Variants in PRICKLE2 observed in about 807,000 individuals in gnomAD.
The protein encoded by PRICKLE2 is prickle-like protein 2.
PRICKLE2 carries 21 observed loss-of-function variants against 81.4 expected under a neutral mutation model. The observed-to-expected ratio is 0.26, with a 90% CI of 0.18 to 0.37. The LOEUF (loss-of-function observed/expected upper bound fraction) is 0.37. Ranked by LOEUF, PRICKLE2 falls within the 10% of genes least tolerant of loss-of-function variation. PRICKLE2 has a pLI of 1.00. For synonymous variants in PRICKLE2, 456 were observed against 421.5 expected (o/e 1.08, Z -1.00); for missense variants, 940 against 1,109.0 (o/e 0.85, Z 2.16).
At chr3:64,253,963 C>G (rs1017216418) in intron 2 of PRICKLE2, among the ~76,000 whole-genome samples, 1 of 152,156 alleles carries the variant, frequency 6.6e-6, no homozygotes, top group African/African-American at 2.4e-5. Flanking sequence ...ACAAAGTCTC[C>G]TCGTGAGATG....
chr3:64,110,854 C>A (rs559052682), intron 7 of PRICKLE2, among the ~76,000 whole-genome samples: 1 of 145,796 alleles, frequency 6.9e-6, no homozygotes, highest in Non-Finnish European at 1.5e-5. Context: ...TTAAAAGTGT[C>A]GGGAGGCTGA....
chr3:64,122,596 C>G (rs1451079610), intron 7 of PRICKLE2, among the ~76,000 whole-genome samples: 1 of 152,102 alleles, frequency 6.6e-6, no homozygotes, highest in Non-Finnish European at 1.5e-5. Context: ...TGTGGGTGAC[C>G]CTAGAATTCA....
At chr3:64,149,628 A>G (rs1190031336) in intron 6 of PRICKLE2, among the ~76,000 whole-genome samples, 1 of 152,206 alleles carries the variant, frequency 6.6e-6, no homozygotes, top group Non-Finnish European at 1.5e-5. Context: ...AGAGTTCCTG[A>G]GCCTGGACTT....
At chr3:64,249,973 G>A (rs572856916) in intron 2 of PRICKLE2, among the ~76,000 whole-genome samples, 3 of 152,160 alleles carry the variant, frequency 2.0e-5, no homozygotes, top group South Asian at 2.1e-4. Context: ...GCTTAATGAC[G>A]TGCTCAAGGC....
At chr3:64,258,622 C>T (rs1575723733) in intron 2 of PRICKLE2, among the ~76,000 whole-genome samples, 1 of 151,336 alleles carries the variant, frequency 6.6e-6, no homozygotes, top group Non-Finnish European at 1.5e-5. Context: ...AGATCGAGAC[C>T]ATACTGGCTA....
chr3:64,205,629 G>A (rs74356954), intron 1 of PRICKLE2, among the ~76,000 whole-genome samples: 3,337 of 152,278 alleles, frequency 0.022, 47 homozygotes, highest in Non-Finnish European at 0.032. Flanking sequence ...TCTTCCTTTA[G>A]AACATGATTT....
chr3:64,166,198 TC>T (rs1407063114), intron 2 of PRICKLE2, among the ~76,000 whole-genome samples: 1 of 152,124 alleles, frequency 6.6e-6, no homozygotes, highest in Non-Finnish European at 1.5e-5. Context: ...GGTTAAGGTT[TC>T]CCACAGCACT....
chr3:64,112,080 C>T (rs1370107563), intron 7 of PRICKLE2, among the ~76,000 whole-genome samples: 3 of 152,140 alleles, frequency 2.0e-5, no homozygotes, highest in Admixed American at 6.5e-5. Context: ...CACCTGGTGG[C>T]CAACACACTA....
intron 2 of PRICKLE2, among the ~76,000 whole-genome samples, chr3:64,265,969 T>C (rs2079699787): frequency 6.6e-6 from 1 of 152,156 alleles, no homozygotes; most frequent in Non-Finnish European, 1.5e-5. Context: ...TTCAGTTTCT[T>C]AAATGGAAGT....
Position 64,258,768 on chromosome 3 carries a change from G to A in PRICKLE2, c.129-59801C>T, listed in dbSNP as rs1193096214. On this transcript the variant is annotated intron_variant, in intron 2 of 8. Coordinates refer to the PRICKLE2 transcript ENST00000295902. ...GAACCCGGGAGGCAGAGCTTGCAGT[G>A]AGCCGAGATCATGCCACTGCACTCT... Among the ~76,000 whole-genome samples the A allele has an allele frequency of 3.5e-5, 5 of 141,536 alleles. 1 individual carries two copies. The highest frequency in any genetic ancestry group is 1.3e-4 in the African/African-American group (5 of 38,010). The allele number at this position is 141,536 out of a possible 152,430, so 92.9% of individuals were successfully genotyped here.
At chr3:64,180,696 C>T (rs1405039356) in intron 2 of PRICKLE2, among the ~76,000 whole-genome samples, 1 of 152,118 alleles carries the variant, frequency 6.6e-6, no homozygotes, top group African/African-American at 2.4e-5. Flanking sequence ...CCACATCCGG[C>T]TAATTTTTGT....
intron 1 of PRICKLE2, among the ~76,000 whole-genome samples, chr3:64,209,931 G>A (rs1337180700): frequency 6.6e-6 from 1 of 152,222 alleles, no homozygotes; most frequent in Non-Finnish European, 1.5e-5. Flanking sequence ...AGGCAGATAT[G>A]AGAAAAATCA....
chr3:64,175,569 G>A (rs546231166), intron 2 of PRICKLE2, among the ~76,000 whole-genome samples: 16 of 152,236 alleles, frequency 1.1e-4, no homozygotes, highest in Admixed American at 9.8e-4. Flanking sequence ...ATTGTTTTAA[G>A]TTAACAAAGA....
At chr3:64,263,765 G>C (rs1198288677) in intron 2 of PRICKLE2, among the ~76,000 whole-genome samples, 1 of 152,102 alleles carries the variant, frequency 6.6e-6, no homozygotes, top group Non-Finnish European at 1.5e-5. Context: ...AAAGCTGCAG[G>C]AATTAAAAGC....
intron 2 of PRICKLE2, among the ~76,000 whole-genome samples, chr3:64,231,624 T>G (rs967749482): frequency 6.6e-6 from 1 of 152,150 alleles, no homozygotes. Flanking sequence ...CCTCATAAAG[T>G]AGCAAACTGG....
chr3:64,134,665 AC>A (rs1443251846), intron 7 of PRICKLE2, among the ~76,000 whole-genome samples: 1 of 147,542 alleles, frequency 6.8e-6, no homozygotes, highest in African/African-American at 2.4e-5. Flanking sequence ...CCTAGTAACT[AC>A]CCCCACCCAT....
intron 7 of PRICKLE2, among the ~76,000 whole-genome samples, chr3:64,137,700 C>T (rs2077298527): frequency 6.6e-6 from 1 of 152,176 alleles, no homozygotes; most frequent in Admixed American, 6.5e-5. Context: ...TTGTCCTCGG[C>T]TTCCCACATG....
chr3:64,173,702 G>C (rs941643596), intron 2 of PRICKLE2, among the ~76,000 whole-genome samples: 1 of 152,164 alleles, frequency 6.6e-6, no homozygotes, highest in Non-Finnish European at 1.5e-5. Flanking sequence ...AGAGCACTTT[G>C]AAGAGTACGA....
In PRICKLE2 at chr3:64,147,520, A is replaced by T; in HGVS notation, c.970T>A (p.Ser324Thr). ...EDPNGSDSSD[S>T]AFQNARAKES... is the part of the protein sequence containing the mutation. ...TTGGCCCTGGCGTTCTGGAAGGCGG[A>T]ATCAGAGGAGTCAGAACCATTGGGG... Residue 324 changes from serine to threonine, a missense_variant, in exon 7 of 8, where the codon TCC becomes ACC. Around this residue, in one of 2 missense-constraint regions of PRICKLE2, gnomAD observed 670 missense variants for 717.2 expected, o/e 0.93. Coordinates refer to ENST00000638394, the MANE Select transcript of PRICKLE2 (RefSeq NM_198859.4). The surrounding 1 kb of genome is among the most constrained non-coding windows in gnomAD (Gnocchi z 5.0). 1 of 1,614,224 alleles carries T rather than the reference A, an allele frequency of 6.2e-7. No individual in the cohort carries two copies. Among genetic ancestry groups the T allele is most frequent in the South Asian group, 1.1e-5 (1 of 91,088 alleles).
Sources: allele counts gnomAD v4.1 joint callset (sites outside exome capture counted in the v4.1 genomes callset), GRCh38; gene constraint gnomAD v4.1.1; regional missense constraint gnomAD v4.1.1; non-coding constraint Gnocchi (gnomAD v3.1); transcripts MANE v1.5; gene names NCBI Gene and HGNC (gene_info 2026-07-23, HGNC 2026-07-21).